The following ADARB2 variants were observed in gnomAD, a reference collection of about 807,000 sequenced individuals.
ADARB2 encodes inactive double-stranded RNA-specific editase B2.
A neutral mutation model predicts 62.2 loss-of-function variants in ADARB2; 25 were observed. The ratio of observed to expected loss-of-function variants is 0.40; its 90% CI spans 0.29 to 0.56. The LOEUF is 0.56. ADARB2 is among the 20% of genes least tolerant of loss of function. The pLI is 0.43. For missense variants in ADARB2, 1,071 were observed against 1,077.4 expected (o/e 0.99, Z 0.08); for synonymous variants, 572 against 500.8 (o/e 1.14, Z -1.90).
intron 1 of ADARB2, among the ~76,000 whole-genome samples, chr10:1,521,445 C>T (rs748920542): frequency 2.3e-4 from 35 of 152,316 alleles, no homozygotes; most frequent in Non-Finnish European, 4.6e-4. Flanking sequence ...CTTCTGAATG[C>T]ACTTCCTCCC....
chr10:1,675,476 T>TG (rs1253276148), intron 1 of ADARB2: 1 of 971,382 alleles, frequency 1.0e-6, no homozygotes, highest in East Asian at 1.2e-4. Flanking sequence ...GGTTTGGGTT[T>TG]GGGGGTACAT....
intron 1 of ADARB2, among the ~76,000 whole-genome samples, chr10:1,520,032 T>C (rs1832054594): frequency 6.6e-6 from 1 of 152,216 alleles, no homozygotes; most frequent in Non-Finnish European, 1.5e-5. Flanking sequence ...GAAGAGGCTC[T>C]ACTGAGCACT....
At chr10:1,648,681 C>T (rs10903533) in intron 1 of ADARB2, among the ~76,000 whole-genome samples, 3,822 of 152,024 alleles carry the variant, frequency 0.025, 118 homozygotes, top group East Asian at 0.077. Context: ...TTCTATTTTA[C>T]GGCATGTTCA....
intron 4 of ADARB2, among the ~76,000 whole-genome samples, chr10:1,257,123 T>C (rs1831087026): frequency 6.6e-6 from 1 of 152,234 alleles, no homozygotes; most frequent in African/African-American, 2.4e-5. Flanking sequence ...CCCTGTGAGC[T>C]CCACGCCCTC....
At chr10:1,218,152 G>C (rs943875990) in intron 6 of ADARB2, among the ~76,000 whole-genome samples, 10 of 152,228 alleles carry the variant, frequency 6.6e-5, no homozygotes, top group Non-Finnish European at 1.3e-4. Flanking sequence ...CCAGGTTCAA[G>C]AGATTCTCCT....
Position 1,262,322 on chromosome 10 carries a change from A to AATAATAATAAT in ADARB2, c.1192+8632_1192+8633insATTATTATTAT, listed in dbSNP as rs1831148833. ...ATAATAATAATAATAATAATAATAA[A>AATAATAATAAT]AGAAACCACCATCAGAGTGAACAGG... On this transcript the variant is annotated intron_variant, in intron 4 of 9. Coordinates refer to ENST00000381312, the MANE Select transcript of ADARB2 (RefSeq NM_018702.4). Among the ~76,000 whole-genome samples the AATAATAATAAT allele has an allele frequency of 3.5e-5, 3 of 86,130 alleles. No homozygotes were observed. In the South Asian group the frequency reaches 1.4e-3, roughly 40 times the overall value. 56.5% of individuals were successfully genotyped at this position (86,130 alleles called of 152,430 possible). A position where few individuals can be genotyped will look rare whatever the true frequency, so the allele number is the denominator to read the frequency against.
chr10:1,278,233 G>A (rs919188336), intron 3 of ADARB2, among the ~76,000 whole-genome samples: 1 of 151,874 alleles, frequency 6.6e-6, no homozygotes, highest in Non-Finnish European at 1.5e-5. Context: ...TCCCGCCTTG[G>A]CCTCCCAAAA....
intron 1 of ADARB2, among the ~76,000 whole-genome samples, chr10:1,390,766 T>G (rs1832563065): frequency 6.6e-6 from 1 of 152,248 alleles, no homozygotes; most frequent in Non-Finnish European, 1.5e-5. Flanking sequence ...ACTTTGGATT[T>G]GCAGATCCTC....
In ADARB2 at chr10:1,708,772, T is replaced by A. The variant is rs11250753; in HGVS notation, c.100+28279A>T. 5.6e-3 allele frequency among the ~76,000 whole-genome samples: 855 copies of A among 152,330 alleles called. 9 individuals carry two copies. Among genetic ancestry groups the A allele is most frequent in the Middle Eastern group, 0.021 (6 of 292 alleles). ...GACGAGGATGTACACACAGAAGCAC[T>A]TGGCACACACCACGTCACCATCACA... On this transcript the variant is annotated intron_variant, in intron 1 of 9. Coordinates refer to ENST00000381312, the MANE Select transcript of ADARB2 (RefSeq NM_018702.4).
chr10:1,496,021 C>T (rs1306119898), intron 1 of ADARB2, among the ~76,000 whole-genome samples: 2 of 151,852 alleles, frequency 1.3e-5, no homozygotes, highest in Non-Finnish European at 2.9e-5. Context: ...TCATCACCAT[C>T]ATTAGTATCA....
At chr10:1,428,701 G>T (rs1027972851) in intron 1 of ADARB2, among the ~76,000 whole-genome samples, 1 of 152,074 alleles carries the variant, frequency 6.6e-6, no homozygotes, top group Admixed American at 6.5e-5. Flanking sequence ...AGGGGGGTGT[G>T]CTTATGAAAG....
At chr10:1,519,652 C>G (rs1172534735) in intron 1 of ADARB2, among the ~76,000 whole-genome samples, 3 of 152,180 alleles carry the variant, frequency 2.0e-5, no homozygotes, top group Non-Finnish European at 4.4e-5. Context: ...TTTGACTTCT[C>G]TGTTGCTGTG....
intron 1 of ADARB2, among the ~76,000 whole-genome samples, chr10:1,413,484 TA>T (rs1173971606): frequency 6.6e-6 from 1 of 152,204 alleles, no homozygotes; most frequent in East Asian, 1.9e-4. Flanking sequence ...ATGGCTTGTG[TA>T]ACTGGAATAC....
At chr10:1,702,190 C>T (rs1287513272) in intron 1 of ADARB2, among the ~76,000 whole-genome samples, 1 of 152,200 alleles carries the variant, frequency 6.6e-6, no homozygotes, top group Non-Finnish European at 1.5e-5. Context: ...TGTTCATCCA[C>T]CTTCAAATGC....
chr10:1,409,552 G>A (rs554926011), intron 1 of ADARB2, among the ~76,000 whole-genome samples: 40 of 150,606 alleles, frequency 2.7e-4, no homozygotes, highest in Admixed American at 2.1e-3. Context: ...CAGTGGTGCC[G>A]AGGCCTGGCC....
At chr10:1,308,577 G>A (rs1255055386) in intron 3 of ADARB2, among the ~76,000 whole-genome samples, 1 of 152,166 alleles carries the variant, frequency 6.6e-6, no homozygotes, top group Non-Finnish European at 1.5e-5. Flanking sequence ...AAAATGCCAC[G>A]CTGTCTTCCA....
chr10:1,468,249 G>A (rs1484665753), intron 1 of ADARB2, among the ~76,000 whole-genome samples: 1 of 152,166 alleles, frequency 6.6e-6, no homozygotes, highest in African/African-American at 2.4e-5. Flanking sequence ...GCCATGGAAG[G>A]ATTCTTTGGG....
intron 1 of ADARB2, among the ~76,000 whole-genome samples, chr10:1,445,080 T>A (rs1830951704): frequency 6.7e-6 from 1 of 150,092 alleles, no homozygotes; most frequent in South Asian, 2.1e-4. Flanking sequence ...CCTCCATTCA[T>A]CCATCCACCC....
chr10:1,709,419 C>A (rs1284434679), intron 1 of ADARB2, among the ~76,000 whole-genome samples: 1 of 152,222 alleles, frequency 6.6e-6, no homozygotes, highest in Admixed American at 6.5e-5. Flanking sequence ...GCCACAGACT[C>A]TAATTTCTTT....
Sources: gnomAD v4.1 joint callset for allele counts (sites outside exome capture counted in the v4.1 genomes callset) on GRCh38, gnomAD v4.1.1 for gene constraint, MANE v1.5 for transcripts, NCBI Gene and HGNC (gene_info 2026-07-23, HGNC 2026-07-21) for gene names.